KCND3: variants seen among roughly 807,000 people sequenced by gnomAD.
KCND3 encodes A-type voltage-gated potassium channel KCND3.
A neutral mutation model predicts 51.1 loss-of-function variants in KCND3; 9 were observed. The ratio of observed to expected loss-of-function variants is 0.18; its 90% CI spans 0.11 to 0.31. The LOEUF (loss-of-function observed/expected upper bound fraction) is 0.31, where lower values mean the gene tolerates loss of function less well. KCND3 is among the 10% of genes least tolerant of loss of function. The pLI is 1.00. For missense variants in KCND3, 526 were observed against 903.8 expected (o/e 0.58, Z 5.36); for synonymous variants, 349 against 368.0 (o/e 0.95, Z 0.59).
At chr1:111,859,105 T>C (rs1179335392) in intron 2 of KCND3, among the ~76,000 whole-genome samples, 1 of 152,180 alleles carries the variant, frequency 6.6e-6, no homozygotes, top group African/African-American at 2.4e-5. Context: ...ATCATGTCTG[T>C]CTCCTATTTA....
chr1:111,849,029 C>T (rs1467242275), intron 2 of KCND3, among the ~76,000 whole-genome samples: 1 of 152,134 alleles, frequency 6.6e-6, no homozygotes, highest in African/African-American at 2.4e-5. Flanking sequence ...TTCTCCCCCG[C>T]CGCTCCCTGT....
intron 2 of KCND3, among the ~76,000 whole-genome samples, chr1:111,794,115 G>A (rs1167705246): frequency 6.6e-6 from 1 of 152,186 alleles, no homozygotes; most frequent in African/African-American, 2.4e-5. Flanking sequence ...CTCTCTCCCA[G>A]CACATCCTCA....
Position 111,953,230 on chromosome 1 carries a change from C to T in KCND3, c.1106+28391G>A, listed in dbSNP as rs535783328. On this transcript the variant is annotated intron_variant, in intron 2 of 7. Transcript: ENST00000302127. ...ACAGGATCCCAGCTGTCCACCCACC[C>T]GGTCCATCAATGAGGTTGGAGAGAA... 1.7e-3 allele frequency among the ~76,000 whole-genome samples: 263 copies of T among 152,252 alleles called. 1 individual carries two copies. The highest frequency in any genetic ancestry group is 4.2e-3 in the East Asian group (22 of 5,188).
chr1:111,940,073 G>GTTTTTTTTTTTGTTTT (rs1672427608), intron 2 of KCND3, among the ~76,000 whole-genome samples: 1 of 85,472 alleles, frequency 1.2e-5, no homozygotes, highest in Non-Finnish European at 2.1e-5. Flanking sequence ...CTTTTTGATG[G>GTTTTTTTTTTTGTTTT]TTTTTTTTTT....
intron 2 of KCND3, among the ~76,000 whole-genome samples, chr1:111,830,501 G>A (rs2101618631): frequency 6.6e-6 from 1 of 152,310 alleles, no homozygotes; most frequent in East Asian, 1.9e-4. Context: ...GCCCTTGAGT[G>A]CAAAATTTAA....
chr1:111,974,512 C>G (rs114089180), intron 2 of KCND3, among the ~76,000 whole-genome samples: 4 of 152,224 alleles, frequency 2.6e-5, no homozygotes, highest in African/African-American at 9.6e-5. Context: ...TGAGGAGACT[C>G]AGAGCTAAAA....
At chr1:111,880,920 C>A (rs1338462769) in intron 2 of KCND3, among the ~76,000 whole-genome samples, 1 of 152,110 alleles carries the variant, frequency 6.6e-6, no homozygotes, top group Admixed American at 6.5e-5. Context: ...CCGTCCCAGC[C>A]CCCTCCACTT....
At chr1:111,856,964 G>A (rs1254821859) in intron 2 of KCND3, 2 of 152,222 alleles carry the variant, frequency 1.3e-5, no homozygotes, top group Non-Finnish European at 2.9e-5. Flanking sequence ...AGTCGAGGAC[G>A]TCTCATGTTT....
intron 2 of KCND3, among the ~76,000 whole-genome samples, chr1:111,941,639 T>C (rs1240291593): frequency 6.6e-6 from 1 of 152,154 alleles, no homozygotes; most frequent in Non-Finnish European, 1.5e-5. Flanking sequence ...CCCCAGCAGA[T>C]GACAGGCAGC....
chr1:111,855,871 G>C (rs1668041763), intron 2 of KCND3, among the ~76,000 whole-genome samples: 1 of 152,236 alleles, frequency 6.6e-6, no homozygotes, highest in South Asian at 2.1e-4. Flanking sequence ...GATGAGGGGA[G>C]GGAGTGGGAC....
Position 111,981,355 on chromosome 1 carries a change from G to T in KCND3, c.1106+266C>A, listed in dbSNP as rs532562238. On this transcript the variant is annotated intron_variant, in intron 2 of 7. Transcript: ENST00000302127. This position sits in a 1 kb window ranked among gnomAD's most constrained non-coding sequence, Gnocchi z 6.2. ...CTTCACACGCACACAAGGCATGGCTGAAAAAAGAATTGGTGACTTAATTTT... is the reference window on the plus strand; with the variant it reads ...CTTCACACGCACACAAGGCATGGCTTAAAAAAGAATTGGTGACTTAATTTT... Among the ~76,000 whole-genome samples, 3 of 151,908 alleles carry T rather than the reference G, an allele frequency of 2.0e-5. No homozygotes were observed. The highest frequency in any genetic ancestry group is 7.2e-5 in the African/African-American group (3 of 41,462).
chr1:111,807,534 T>G (rs1056065404), intron 2 of KCND3, among the ~76,000 whole-genome samples: 1 of 151,940 alleles, frequency 6.6e-6, no homozygotes, highest in Non-Finnish European at 1.5e-5. Context: ...AAAATAGCTG[T>G]GTGTGGTGGC....
chr1:111,777,203 G>A lies in KCND3; in HGVS notation c.1589C>T (p.Ser530Phe). ...CMESSMQNYP[S>F]TRSPSLSSHP... ...GCTGGACAGTGAGGGACTTCTTGTG[G>A]ATGGGTAGTTCTGCATTGAACTCTC... Residue 530 changes from serine (S) to phenylalanine (F), a missense_variant, in exon 7 of 8, where the codon TCC becomes TTC. By Grantham distance (155) the Ser-to-Phe change is radical. Around this residue, in one of 5 missense-constraint regions of KCND3, gnomAD observed 266 missense variants for 305.5 expected, o/e 0.87. Transcript: ENST00000302127. 2 of 1,614,196 alleles carry A rather than the reference G, an allele frequency of 1.2e-6. No individual in the cohort carries two copies. The highest frequency in any genetic ancestry group is 1.7e-6 in the Non-Finnish European group (2 of 1,180,038).
chr1:111,826,746 G>A (rs560853307), intron 2 of KCND3, among the ~76,000 whole-genome samples: 119 of 152,248 alleles, frequency 7.8e-4, no homozygotes, highest in African/African-American at 2.7e-3. Flanking sequence ...GAGATGTGAA[G>A]TTTCTATTAT....
At chr1:111,832,981 G>C (rs1318194549) in intron 2 of KCND3, among the ~76,000 whole-genome samples, 3 of 152,210 alleles carry the variant, frequency 2.0e-5, no homozygotes, top group African/African-American at 7.2e-5. Flanking sequence ...GAAGCAAGAG[G>C]GGCGAGAGCC....
intron 2 of KCND3, among the ~76,000 whole-genome samples, chr1:111,846,971 G>A (rs535289055): frequency 3.5e-4 from 53 of 152,314 alleles, no homozygotes; most frequent in African/African-American, 1.2e-3. Flanking sequence ...TGAGCCACCC[G>A]AGGGCAGAGA....
intron 2 of KCND3, among the ~76,000 whole-genome samples, chr1:111,837,231 C>G (rs1215356589): frequency 1.3e-5 from 2 of 152,138 alleles, no homozygotes; most frequent in Non-Finnish European, 2.9e-5. Flanking sequence ...CTCACTCTGC[C>G]CTCTGATGTA....
chr1:111,882,228 T>C (rs1390467693), intron 2 of KCND3, among the ~76,000 whole-genome samples: 2 of 152,142 alleles, frequency 1.3e-5, no homozygotes, highest in African/African-American at 4.8e-5. Flanking sequence ...ATATTTTTCT[T>C]TGGGAAGAAA....
chr1:111,820,185 A>G (rs1327562827), intron 2 of KCND3, among the ~76,000 whole-genome samples: 2 of 152,256 alleles, frequency 1.3e-5, no homozygotes, highest in East Asian at 3.9e-4. Context: ...CTCTTCTCCA[A>G]ACATGCTCTA....
Sources: gnomAD v4.1 joint callset for allele counts (sites outside exome capture counted in the v4.1 genomes callset) on GRCh38, gnomAD v4.1.1 for gene constraint, gnomAD v4.1.1 regional missense constraint, Gnocchi (gnomAD v3.1) non-coding constraint, MANE v1.5 for transcripts, NCBI Gene and HGNC (gene_info 2026-07-23, HGNC 2026-07-21) for gene names.